IL12RB1: variants seen among roughly 807,000 people sequenced by gnomAD.
IL12RB1 encodes interleukin-12 receptor subunit beta-1.
IL12RB1 carries 64 observed loss-of-function variants against 94.4 expected under a neutral mutation model. That is an observed-to-expected ratio of 0.68 (90% CI 0.55 to 0.83). IL12RB1 has a LOEUF of 0.83. Among genes scored for constraint, IL12RB1 ranks in the 40% least tolerant of loss-of-function variants. IL12RB1 has a pLI of 0.00. For missense variants in IL12RB1, 814 were observed against 855.6 expected (o/e 0.95, Z 0.61); for synonymous variants, 362 against 355.5 (o/e 1.02, Z -0.21).
In IL12RB1 at chr19:18,072,257, C is replaced by A. The variant is rs757032676; in HGVS notation, c.876G>T (p.Pro292=). The A allele has an allele frequency of 6.2e-7, 1 of 1,613,978 alleles. No homozygotes were observed. The highest frequency in any genetic ancestry group is 2.2e-5 in the East Asian group (1 of 44,890). ...YRLQLHMLSC[P]CKAKATRTLH... ...GGGTCCTGGTGGCCTTGGCCTTACA[C>A]GGGCAGGACAGCATGTGGAGCTGTA... is the stretch of plus-strand genomic sequence containing the variant. Residue 292 remains proline (P), a synonymous_variant, in exon 9 of 17, where the codon CCG becomes CCT. Transcript: ENST00000593993.
At chr19:18,074,733 G>A (rs1568504066) in intron 7 of IL12RB1, among the ~76,000 whole-genome samples, 2 of 151,868 alleles carry the variant, frequency 1.3e-5, no homozygotes, top group African/African-American at 2.4e-5. Context: ...GGGTGACAGA[G>A]CAAGACAGTC....
intron 8 of IL12RB1, among the ~76,000 whole-genome samples, chr19:18,072,967 GA>G (rs61123891): frequency 0.14 from 20,120 of 144,748 alleles, 1,839 homozygotes; most frequent in Non-Finnish European, 0.21. Flanking sequence ...AAAAAAAAAG[GA>G]AAAAAAAGAA....
At chr19:18,087,518 C>A (rs2036421817), upstream of IL12RB1, among the ~76,000 whole-genome samples, 1 of 151,100 alleles carries the variant, frequency 6.6e-6, no homozygotes, top group South Asian at 2.1e-4. Context: ...CTGCCAAATT[C>A]TTTTTTTCTT....
intron 1 of IL12RB1, among the ~76,000 whole-genome samples, chr19:18,085,229 C>T (rs562680741): frequency 3.2e-4 from 49 of 152,194 alleles, no homozygotes; most frequent in Non-Finnish European, 3.5e-4. Context: ...GGGGAGAAGG[C>T]GGCACCCCAG....
At chr19:18,072,467 G>C in intron 8 of IL12RB1, 118 bp from the exon 9 acceptor site, 1 of 728,484 alleles carries the variant, frequency 1.4e-6, no homozygotes, top group Non-Finnish European at 2.5e-6. Context: ...CCAATAACAT[G>C]CATCAAAAAT....
chr19:18,068,997 GC>G (rs2034811388), intron 10 of IL12RB1, among the ~76,000 whole-genome samples: 2 of 150,936 alleles, frequency 1.3e-5, no homozygotes, highest in South Asian at 4.2e-4. Flanking sequence ...TGATCCACCT[GC>G]CTCAGCCTCC....
At chr19:18,080,512 C>T (rs1201751949) in intron 4 of IL12RB1, among the ~76,000 whole-genome samples, 1 of 152,140 alleles carries the variant, frequency 6.6e-6, no homozygotes, top group African/African-American at 2.4e-5. Context: ...GCTGGGATTA[C>T]AGGCGTGATC....
At chr19:18,071,260 T>C in intron 9 of IL12RB1, 1 of 471,732 alleles carries the variant, frequency 2.1e-6, no homozygotes, top group Non-Finnish European at 3.9e-6. Context: ...TAATCCCAGC[T>C]ACTCGGGAGG....
intron 14 of IL12RB1, among the ~76,000 whole-genome samples, chr19:18,061,854 C>T (rs2034153200): frequency 1.7e-5 from 1 of 60,100 alleles, no homozygotes; most frequent in Non-Finnish European, 4.0e-5. Context: ...CAGAGTAAGA[C>T]TCCATCTCAA....
rs777322101 is a variant in IL12RB1 at position 18,068,417 on chromosome 19, G to A, written c.1299C>T (p.Val433=). ...HPEKLTLWST[V]LSTYHFGGNA... Reference sequence around the variant, plus strand: ...TGCCCCCAAAGTGGTAGGTGGACAGGACCGTAGACCACAAGGTGAGCTTCT... The same window carrying A: ...TGCCCCCAAAGTGGTAGGTGGACAGAACCGTAGACCACAAGGTGAGCTTCT... Residue 433 remains valine (V), a synonymous_variant, in exon 11 of 17, where the codon GTC becomes GTT. Coordinates refer to ENST00000593993, the MANE Select transcript of IL12RB1 (RefSeq NM_005535.3). 5.0e-6 allele frequency: 8 copies of A among 1,613,198 alleles called. No individual in the cohort carries two copies. Among genetic ancestry groups the A allele is most frequent in the Non-Finnish European group, 6.8e-6 (8 of 1,179,572 alleles).
At chr19:18,097,771 TGGC>T (rs1330135043) in intron 1 of IL12RB1, 1 of 1,207,942 alleles carries the variant, frequency 8.3e-7, no homozygotes, top group African/African-American at 1.6e-5. Context: ...GGGGCGGGCC[TGGC>T]GGCGCGGACT....
chr19:18,079,896 C>CA (rs952716382), intron 4 of IL12RB1, among the ~76,000 whole-genome samples: 5 of 150,226 alleles, frequency 3.3e-5, no homozygotes, highest in Admixed American at 2.7e-4. Flanking sequence ...AACTCCATCT[C>CA]AAAAAAAAGA....
intron 8 of IL12RB1, among the ~76,000 whole-genome samples, chr19:18,072,905 C>G (rs2146268633): frequency 6.7e-6 from 1 of 148,228 alleles, no homozygotes. Flanking sequence ...CGAGATGGCG[C>G]CACTGCACTC....
In IL12RB1 at chr19:18,062,726, C is replaced by G. The variant is rs370770052; in HGVS notation, c.1619-449G>C. Among the ~76,000 whole-genome samples the G allele has an allele frequency of 3.3e-3, 272 of 83,216 alleles. 2 individuals are homozygous for G. Among genetic ancestry groups the G allele is most frequent in the South Asian group, 0.015 (43 of 2,844 alleles). The allele number at this position is 83,216 out of a possible 152,430, so 54.6% of individuals were successfully genotyped here. On this transcript the variant is annotated intron_variant, in intron 13 of 16. Coordinates refer to ENST00000593993, the MANE Select transcript of IL12RB1 (RefSeq NM_005535.3). ...GGCGGAGGTTGCAGTGAGCCGAGAT[C>G]GCATCATTGCATTCCAGCCTCGGCA...
At chr19:18,095,403 T>C (rs1378178994) in intron 1 of IL12RB1, among the ~76,000 whole-genome samples, 2 of 152,200 alleles carry the variant, frequency 1.3e-5, no homozygotes, top group Non-Finnish European at 2.9e-5. Flanking sequence ...CTTGAAAGCA[T>C]GATGCTGAAC....
intron 12 of IL12RB1, among the ~76,000 whole-genome samples, chr19:18,065,110 G>A (rs2034486307): frequency 6.6e-6 from 1 of 152,060 alleles, no homozygotes; most frequent in Non-Finnish European, 1.5e-5. Context: ...ACTCTGCAAG[G>A]AGCAGGACTT....
intron 4 of IL12RB1, among the ~76,000 whole-genome samples, chr19:18,079,355 C>T (rs370113315): frequency 2.0e-4 from 31 of 152,166 alleles, no homozygotes; most frequent in East Asian, 1.5e-3. Context: ...CCTCCCACCT[C>T]GGCCTCTCGA....
At chr19:18,087,802 G>A (rs1487488689), upstream of IL12RB1, among the ~76,000 whole-genome samples, 1 of 152,062 alleles carries the variant, frequency 6.6e-6, no homozygotes, top group Non-Finnish European at 1.5e-5. Context: ...GATCACAGGC[G>A]TGAGCCACCG....
chr19:18,077,420 G>A, intron 5 of IL12RB1, 96 bp downstream of exon 5: 1 of 943,048 alleles, frequency 1.1e-6, no homozygotes, highest in Non-Finnish European at 1.7e-6. Flanking sequence ...GGGCTGGTTG[G>A]GAGCGGGGAC....
Sources: allele counts gnomAD v4.1 joint callset (sites outside exome capture counted in the v4.1 genomes callset), GRCh38; gene constraint gnomAD v4.1.1; transcripts MANE v1.5; gene names NCBI Gene and HGNC (gene_info 2026-07-23, HGNC 2026-07-21).